Variants in LMNTD1 observed in about 807,000 individuals in gnomAD.
LMNTD1 encodes the protein lamin tail domain containing 1.
In LMNTD1, 35 loss-of-function variants were observed where a neutral mutation model predicts 50.9. That is an observed-to-expected ratio of 0.69 (90% CI 0.53 to 0.91). LMNTD1 has a LOEUF of 0.91. Among genes scored for constraint, LMNTD1 ranks in the 40% least tolerant of loss-of-function variants. The probability of loss-of-function intolerance (pLI) is 0.00; values close to 1 mark genes in which losing one functional copy is unlikely to be tolerated. For synonymous variants in LMNTD1, 153 were observed against 161.9 expected, an observed-to-expected ratio of 0.94 and a Z score of 0.42; for missense variants, 470 against 475.5, an observed-to-expected ratio of 0.99 and a Z score of 0.11.
chr12:25,513,935 T>C (rs534096709), intron 8 of LMNTD1, among the ~76,000 whole-genome samples: 2 of 152,060 alleles, frequency 1.3e-5, no homozygotes, highest in African/African-American at 4.8e-5. Context: ...AACTGACAAT[T>C]GATTTCATAT....
At chr12:25,639,386 A>G (rs1171132692) in intron 1 of LMNTD1, among the ~76,000 whole-genome samples, 1 of 152,218 alleles carries the variant, frequency 6.6e-6, no homozygotes, top group Non-Finnish European at 1.5e-5. Flanking sequence ...GACAACTCAC[A>G]GAATTAAAGA....
At chr12:25,525,287 G>A (rs533563498) in intron 6 of LMNTD1, among the ~76,000 whole-genome samples, 1 of 152,064 alleles carries the variant, frequency 6.6e-6, no homozygotes, top group East Asian at 1.9e-4. Context: ...TATTGCTAAT[G>A]CCCTTAATTT....
chr12:25,495,903 AAAAT>A (rs1463458331), intron 9 of LMNTD1, among the ~76,000 whole-genome samples: 2 of 152,210 alleles, frequency 1.3e-5, no homozygotes, highest in Non-Finnish European at 2.9e-5. Context: ...CACACTTCAC[AAAAT>A]AAATACTTAA....
intron 1 of LMNTD1, among the ~76,000 whole-genome samples, chr12:25,641,027 A>G (rs1328184035): frequency 2.6e-5 from 4 of 152,170 alleles, no homozygotes; most frequent in South Asian, 2.1e-4. Context: ...TACTCATACT[A>G]CAAACATTTA....
At chr12:25,491,615 A>T (rs1195948888) in intron 9 of LMNTD1, among the ~76,000 whole-genome samples, 1 of 152,258 alleles carries the variant, frequency 6.6e-6, no homozygotes, top group Non-Finnish European at 1.5e-5. Context: ...TGGGCTGGAC[A>T]CATACAGTCT....
At chr12:25,612,290 TCACACA>T (rs71705893) in intron 1 of LMNTD1, among the ~76,000 whole-genome samples, 3,417 of 107,242 alleles carry the variant, frequency 0.032, 62 homozygotes, top group Middle Eastern at 0.047. Context: ...CTAAGGTCCC[TCACACA>T]CACACACACA....
At chr12:25,634,863 T>G (rs1946794196) in intron 1 of LMNTD1, among the ~76,000 whole-genome samples, 1 of 152,186 alleles carries the variant, frequency 6.6e-6, no homozygotes, top group Non-Finnish European at 1.5e-5. Flanking sequence ...AAGAGGAAGT[T>G]AAGCTGTCAC....
At chr12:25,486,755 G>A (rs1938658901) in intron 9 of LMNTD1, among the ~76,000 whole-genome samples, 1 of 149,666 alleles carries the variant, frequency 6.7e-6, no homozygotes, top group Non-Finnish European at 1.5e-5. Context: ...TGCATCTATT[G>A]AGATAATCAT....
At chr12:25,490,487 G>A (rs1250409851) in intron 9 of LMNTD1, among the ~76,000 whole-genome samples, 1 of 152,112 alleles carries the variant, frequency 6.6e-6, no homozygotes, top group Non-Finnish European at 1.5e-5. Flanking sequence ...ATAAAAGTTA[G>A]AAGTGAAGCC....
chr12:25,569,013 G>A (rs1944671491), intron 1 of LMNTD1, among the ~76,000 whole-genome samples: 1 of 152,252 alleles, frequency 6.6e-6, no homozygotes, highest in African/African-American at 2.4e-5. Context: ...ACTGCCTGGT[G>A]GAGCTGTGGG....
chr12:25,519,757 T>C (rs1941140497), intron 7 of LMNTD1, 101 bp downstream of exon 7: 2 of 755,390 alleles, frequency 2.6e-6, no homozygotes, highest in Admixed American at 2.4e-5. Flanking sequence ...ATTGATTTAA[T>C]TTATACATCA....
chr12:25,565,203 C>G (rs951675202), intron 1 of LMNTD1, among the ~76,000 whole-genome samples: 1 of 152,000 alleles, frequency 6.6e-6, no homozygotes, highest in Non-Finnish European at 1.5e-5. Context: ...TTATTTATAA[C>G]TAAGAACTGA....
At chr12:25,628,107 C>CAAA (rs58780549) in intron 1 of LMNTD1, among the ~76,000 whole-genome samples, 4 of 52,466 alleles carry the variant, frequency 7.6e-5, no homozygotes, top group East Asian at 6.7e-4. Flanking sequence ...AACTCCGTCT[C>CAAA]AAAAAAAAAA....
At chr12:25,476,579 T>G (rs1938270464) in intron 9 of LMNTD1, 119 bp from the exon 10 acceptor site, 4 of 152,230 alleles carry the variant, frequency 2.6e-5, no homozygotes, top group Admixed American at 2.6e-4. Context: ...ATGAGGTACA[T>G]GTGCTTACTC....
chr12:25,479,094 G>T (rs144908103), intron 9 of LMNTD1, among the ~76,000 whole-genome samples: 2 of 151,942 alleles, frequency 1.3e-5, no homozygotes, highest in African/African-American at 4.8e-5. Context: ...TTGATAGCTC[G>T]AGTCAATCAC....
At chr12:25,613,110 C>T (rs535132438) in intron 1 of LMNTD1, among the ~76,000 whole-genome samples, 1 of 152,172 alleles carries the variant, frequency 6.6e-6, no homozygotes, top group East Asian at 1.9e-4. Context: ...CCTGAAGACA[C>T]CTTGATTTCA....
intron 1 of LMNTD1, among the ~76,000 whole-genome samples, chr12:25,619,428 C>A (rs1329434950): frequency 6.6e-6 from 1 of 152,216 alleles, no homozygotes; most frequent in Non-Finnish European, 1.5e-5. Context: ...CTTTTCACTT[C>A]TTTCCAGTGC....
At chr12:25,648,494 T>C in exon 1 of LMNTD1, 1 of 1,551,396 alleles carries the variant, frequency 6.4e-7, no homozygotes, top group Non-Finnish European at 8.7e-7. Flanking sequence ...TCTCACTTAC[T>C]GTGGTGGGTC....
chr12:25,611,931 C>T (rs1946253688), intron 1 of LMNTD1, among the ~76,000 whole-genome samples: 1 of 152,174 alleles, frequency 6.6e-6, no homozygotes, highest in Non-Finnish European at 1.5e-5. Flanking sequence ...GTTGCTTTCT[C>T]TTTATTCTGT....
Sources: allele counts gnomAD v4.1 joint callset (sites outside exome capture counted in the v4.1 genomes callset), GRCh38; gene constraint gnomAD v4.1.1; transcripts MANE v1.5; gene names NCBI Gene and HGNC (gene_info 2026-07-23, HGNC 2026-07-21).